The following PTH2R variants were observed in gnomAD, a reference collection of about 807,000 sequenced individuals.
The protein encoded by PTH2R is parathyroid hormone 2 receptor, also known as PTH2 receptor.
In PTH2R, 59 loss-of-function variants were observed where a neutral mutation model predicts 60.3. The observed-to-expected ratio is 0.98, with a 90% CI of 0.79 to 1.22. The LOEUF is 1.22. Among genes scored for constraint, PTH2R ranks in the 50% most tolerant of loss-of-function variants. The probability of loss-of-function intolerance (pLI) is 0.00; values close to 1 mark genes in which losing one functional copy is unlikely to be tolerated. For missense variants in PTH2R, 749 were observed against 682.6 expected (o/e 1.10, Z -1.08); for synonymous variants, 256 against 243.8 (o/e 1.05, Z -0.47).
intron 1 of PTH2R, among the ~76,000 whole-genome samples, chr2:208,388,133 C>CCCA (rs1553540984): frequency 9.2e-3 from 8 of 874 alleles, no homozygotes; most frequent in Non-Finnish European, 0.025. Context: ...CATGGTGAAA[C>CCCA]CCCCCCCCCC....
chr2:208,373,583 C>A (rs535934828), intron 1 of PTH2R, among the ~76,000 whole-genome samples: 1 of 152,220 alleles, frequency 6.6e-6, no homozygotes, highest in East Asian at 1.9e-4. Flanking sequence ...CCTGCTCATA[C>A]TGTTGGAGGA....
intron 1 of PTH2R, among the ~76,000 whole-genome samples, chr2:208,380,943 T>C (rs938502724): frequency 3.3e-5 from 5 of 152,132 alleles, no homozygotes; most frequent in African/African-American, 1.2e-4. Context: ...CTGATTCCTC[T>C]TGAACCCCAA....
chr2:208,459,226 G>A (rs1702582380), intron 8 of PTH2R, among the ~76,000 whole-genome samples: 2 of 152,040 alleles, frequency 1.3e-5, no homozygotes, highest in African/African-American at 2.4e-5. Flanking sequence ...GTTAATGAGG[G>A]AACTACTAAG....
intron 1 of PTH2R, among the ~76,000 whole-genome samples, chr2:208,408,907 T>C (rs3886855): frequency 0.13 from 19,068 of 152,168 alleles, 1,337 homozygotes; most frequent in African/African-American, 0.19. Flanking sequence ...TTGGGACATA[T>C]ATAATAATTC....
intron 1 of PTH2R, among the ~76,000 whole-genome samples, chr2:208,365,545 G>A (rs1002188055): frequency 6.6e-6 from 1 of 152,052 alleles, no homozygotes; most frequent in African/African-American, 2.4e-5. Context: ...TGATCATGGT[G>A]AATGATCTTT....
intron 1 of PTH2R, among the ~76,000 whole-genome samples, chr2:208,389,050 TAA>T (rs745922093): frequency 6.6e-6 from 1 of 152,118 alleles, no homozygotes; most frequent in Non-Finnish European, 1.5e-5. Flanking sequence ...TAATTAGAAA[TAA>T]GAGGGTGTTC....
At chr2:208,488,731 T>C (rs1443435874) in intron 10 of PTH2R, among the ~76,000 whole-genome samples, 1 of 152,008 alleles carries the variant, frequency 6.6e-6, no homozygotes, top group African/African-American at 2.4e-5. Flanking sequence ...TAAAAAAATA[T>C]TCAGGCATGG....
intron 9 of PTH2R, among the ~76,000 whole-genome samples, chr2:208,464,278 C>T (rs1198478154): frequency 1.3e-5 from 2 of 152,122 alleles, no homozygotes; most frequent in African/African-American, 4.8e-5. Context: ...ATGTGAGGTC[C>T]TGTTATTAAA....
At chr2:208,381,497 A>G (rs1454378674) in intron 1 of PTH2R, among the ~76,000 whole-genome samples, 1 of 152,058 alleles carries the variant, frequency 6.6e-6, no homozygotes, top group Non-Finnish European at 1.5e-5. Context: ...ATCATAGCTC[A>G]CTGCAGCCTC....
intron 12 of PTH2R, among the ~76,000 whole-genome samples, chr2:208,491,495 A>T (rs946377506): frequency 6.6e-6 from 1 of 152,212 alleles, no homozygotes; most frequent in African/African-American, 2.4e-5. Flanking sequence ...GCTTCTGGCC[A>T]AGTTAGGTCA....
intron 1 of PTH2R, among the ~76,000 whole-genome samples, chr2:208,369,836 G>A (rs749184915): frequency 1.4e-4 from 21 of 152,058 alleles, no homozygotes; most frequent in Non-Finnish European, 2.5e-4. Flanking sequence ...CACCTGATGA[G>A]ACATCATAGA....
Position 208,444,823 on chromosome 2 carries a change from T to A in PTH2R, c.789T>A (p.Asn263Lys). ...WILVEGLYLH[N>K]LIFVAFFSDT... Reference sequence around the variant, plus strand: ...TGGTGGAAGGTCTCTACCTGCATAATCTCATCTTTGTGGCTTTCTTTTCGG... The same window carrying A: ...TGGTGGAAGGTCTCTACCTGCATAAACTCATCTTTGTGGCTTTCTTTTCGG... The change falls in exon 7 of 13, where the codon AAT (asparagine) becomes AAA (lysine). Residue 263 changes from asparagine (N) to lysine (K), a missense_variant. Physicochemically the swap from Asn to Lys is moderately conservative, Grantham distance 94. Coordinates refer to ENST00000272847, the MANE Select transcript of PTH2R (RefSeq NM_005048.4). The A allele has an allele frequency of 6.2e-7, 1 of 1,614,052 alleles. No individual in the cohort carries two copies. Among genetic ancestry groups the A allele is most frequent in the East Asian group, 2.2e-5 (1 of 44,850 alleles).
chr2:208,445,475 A>G (rs1702270844), intron 7 of PTH2R, among the ~76,000 whole-genome samples: 1 of 152,170 alleles, frequency 6.6e-6, no homozygotes, highest in African/African-American at 2.4e-5. Context: ...TACAAGGGGG[A>G]TTACTGGATT....
At chr2:208,385,809 A>C (rs1700991662) in intron 1 of PTH2R, among the ~76,000 whole-genome samples, 1 of 152,248 alleles carries the variant, frequency 6.6e-6, no homozygotes, top group Non-Finnish European at 1.5e-5. Flanking sequence ...GAAGATAAGA[A>C]AACCAACTTT....
chr2:208,437,508 T>G, intron 2 of PTH2R, 29 bp from the exon 3 acceptor site: 1 of 1,553,140 alleles, frequency 6.4e-7, no homozygotes, highest in Non-Finnish European at 8.7e-7. Flanking sequence ...TTTCTTTGTT[T>G]ATTTGCTTTA....
rs1052148296 is a variant in PTH2R at position 208,395,047 on chromosome 2, CTTTTTT to C, written c.-258-33153_-258-33148del. Among the ~76,000 whole-genome samples, 20 of 151,540 alleles carry C rather than the reference CTTTTTT, an allele frequency of 1.3e-4. 1 individual carries two copies. The highest frequency in any genetic ancestry group is 4.6e-4 in the African/African-American group (19 of 41,294). On this transcript the variant is annotated intron_variant, in intron 1 of 12. Coordinates refer to the PTH2R transcript ENST00000617735. ...AGAGGCCTAGAGTCTGATTTCTTTT[CTTTTTT>C]ATTTTTTTTTTTGAGATGGAGTCTT...
At chr2:208,411,118 C>T (rs537986446) in intron 1 of PTH2R, among the ~76,000 whole-genome samples, 23 of 152,230 alleles carry the variant, frequency 1.5e-4, no homozygotes, top group African/African-American at 4.1e-4. Context: ...TGGTGGCACA[C>T]GTCTGTAGTT....
At chr2:208,412,707 A>G (rs952644859) in intron 1 of PTH2R, among the ~76,000 whole-genome samples, 1 of 152,202 alleles carries the variant, frequency 6.6e-6, no homozygotes, top group Non-Finnish European at 1.5e-5. Flanking sequence ...GTCTCATTTT[A>G]TCATGTCAAG....
chr2:208,455,866 A>G (rs921555050), intron 8 of PTH2R, among the ~76,000 whole-genome samples: 2 of 152,234 alleles, frequency 1.3e-5, no homozygotes, highest in East Asian at 3.8e-4. Flanking sequence ...GGAGATAAGC[A>G]TGTCAGACCC....
Sources: gnomAD v4.1 joint callset for allele counts (sites outside exome capture counted in the v4.1 genomes callset) on GRCh38, gnomAD v4.1.1 for gene constraint, MANE v1.5 for transcripts, NCBI Gene and HGNC (gene_info 2026-07-23, HGNC 2026-07-21) for gene names.